Variants in ARHGEF28 observed in about 807,000 individuals in gnomAD.
ARHGEF28 encodes the protein 190 kDa guanine nucleotide exchange factor.
ARHGEF28 carries 152 observed loss-of-function variants against 206.6 expected under a neutral mutation model. That is an observed-to-expected ratio of 0.74 (90% CI 0.64 to 0.84). ARHGEF28 has a LOEUF of 0.84. ARHGEF28 is among the 40% of genes least tolerant of loss of function. The pLI, the probability that ARHGEF28 is intolerant of heterozygous loss-of-function variation, is 0.00. For synonymous variants in ARHGEF28, 763 were observed against 776.4 expected, an observed-to-expected ratio of 0.98 and a Z score of 0.29; for missense variants, 2,028 against 2,073.2, an observed-to-expected ratio of 0.98 and a Z score of 0.42.
intron 35 of ARHGEF28, among the ~76,000 whole-genome samples, chr5:73,919,894 T>C (rs386852): frequency 0.12 from 17,517 of 152,258 alleles, 1,110 homozygotes; most frequent in South Asian, 0.21. Context: ...ATTTATGTAA[T>C]GTCTGTCCCA....
chr5:73,852,633 T>C lies in ARHGEF28; in HGVS notation c.1748-17T>C. On this transcript the variant is annotated splice_polypyrimidine_tract_variant and intron_variant, in intron 13 of 35. Coordinates refer to ENST00000513042, the MANE Select transcript of ARHGEF28 (RefSeq NM_001177693.2). ...TTGTGTGCCTTAGTTTTCATTTTAT[T>C]GTTCTGTGTCTTGTAGAGCAAAGAG... 1 of 1,613,066 alleles carries C rather than the reference T, an allele frequency of 6.2e-7. No individual in the cohort carries two copies. The highest frequency in any genetic ancestry group is 8.5e-7 in the Non-Finnish European group (1 of 1,179,250).
At chr5:73,628,075 T>G (rs918349176) in intron 1 of ARHGEF28, among the ~76,000 whole-genome samples, 74 of 152,038 alleles carry the variant, frequency 4.9e-4, no homozygotes, top group South Asian at 4.1e-4. Context: ...GAAGCCTCAC[T>G]TGGGTGGGTT....
At chr5:73,648,819 A>G (rs979768704) in intron 1 of ARHGEF28, among the ~76,000 whole-genome samples, 1 of 151,694 alleles carries the variant, frequency 6.6e-6, no homozygotes, top group Non-Finnish European at 1.5e-5. Flanking sequence ...TTCCCACACC[A>G]CTCATCCTGT....
At chr5:73,810,777 C>T (rs1309054566) in intron 9 of ARHGEF28, among the ~76,000 whole-genome samples, 1 of 152,138 alleles carries the variant, frequency 6.6e-6, no homozygotes, top group Admixed American at 6.5e-5. Flanking sequence ...GAAATTCTGC[C>T]CCCGATTCTG....
intron 23 of ARHGEF28, 43 bp downstream of exon 23, chr5:73,882,637 G>A: frequency 7.1e-7 from 1 of 1,405,522 alleles, no homozygotes; most frequent in East Asian, 2.7e-5. Context: ...AAATCAGCAT[G>A]GAGAAATAGT....
intron 2 of ARHGEF28, among the ~76,000 whole-genome samples, chr5:73,720,428 T>C (rs2112328488): frequency 6.6e-6 from 1 of 152,148 alleles, no homozygotes; most frequent in South Asian, 2.1e-4. Flanking sequence ...TCATCAAAAA[T>C]AGCAGGCAGA....
At chr5:73,692,382 G>A (rs1321647280) in intron 2 of ARHGEF28, among the ~76,000 whole-genome samples, 1 of 152,132 alleles carries the variant, frequency 6.6e-6, no homozygotes, top group African/African-American at 2.4e-5. Flanking sequence ...TTCTCTGGAG[G>A]CTGCAAATTG....
chr5:73,808,698 C>T (rs1755657756), intron 9 of ARHGEF28, among the ~76,000 whole-genome samples: 1 of 152,158 alleles, frequency 6.6e-6, no homozygotes, highest in African/African-American at 2.4e-5. Context: ...GCCTCAGAGG[C>T]CTTGCCTCCT....
At chr5:73,887,581 T>C (rs1277383747) in intron 25 of ARHGEF28, 22 bp from the exon 26 acceptor site, 2 of 1,519,000 alleles carry the variant, frequency 1.3e-6, no homozygotes, top group Non-Finnish European at 1.8e-6. Flanking sequence ...TCATTAATAC[T>C]AGTAATGTTT....
chr5:73,875,562 G>T (rs534084841), intron 22 of ARHGEF28, among the ~76,000 whole-genome samples: 45 of 140,118 alleles, frequency 3.2e-4, no homozygotes, highest in East Asian at 1.0e-3. Context: ...GGTCTAACAT[G>T]TAAGTCTTTA....
intron 1 of ARHGEF28, among the ~76,000 whole-genome samples, chr5:73,661,299 G>A (rs1050211670): frequency 6.6e-6 from 1 of 152,120 alleles, no homozygotes; most frequent in Non-Finnish European, 1.5e-5. Context: ...TTCATACAAT[G>A]GAAGAGTTAG....
chr5:73,684,112 A>G (rs1287983480), intron 1 of ARHGEF28, among the ~76,000 whole-genome samples: 2 of 152,178 alleles, frequency 1.3e-5, no homozygotes, highest in African/African-American at 4.8e-5. Flanking sequence ...TTTTTCAGGT[A>G]CAACTCAGTG....
intron 34 of ARHGEF28, 117 bp from the exon 35 acceptor site, chr5:73,911,158 T>C: frequency 5.6e-6 from 6 of 1,071,694 alleles, no homozygotes; most frequent in Non-Finnish European, 7.9e-6. Flanking sequence ...GAAGTGGTAA[T>C]CTTGACCTCA....
chr5:73,650,126 A>G (rs1485082592), intron 1 of ARHGEF28, among the ~76,000 whole-genome samples: 1 of 152,172 alleles, frequency 6.6e-6, no homozygotes, highest in Non-Finnish European at 1.5e-5. Context: ...CATGCTGCTT[A>G]GGACAGTACT....
At chr5:73,696,388 G>A (rs1036014924) in intron 2 of ARHGEF28, among the ~76,000 whole-genome samples, 3 of 152,082 alleles carry the variant, frequency 2.0e-5, no homozygotes, top group Non-Finnish European at 2.9e-5. Context: ...TTGTATGTGC[G>A]GTTGTCTTCA....
Position 73,887,635 on chromosome 5 carries a change from C to T in ARHGEF28, c.3343C>T (p.Leu1115Phe), listed in dbSNP as rs1761384482. Residue 1115 changes from leucine to phenylalanine, a missense_variant, in exon 26 of 36, where the codon CTC (leucine) becomes TTC (phenylalanine). Physicochemically the swap from Leu to Phe is conservative, Grantham distance 22. This residue lies in a region of ARHGEF28 where 803 missense variants were observed against 768.0 expected (regional missense o/e 1.05). Transcript: ENST00000513042. ...AGCTCTACTTCTAACTGATGTGCTGCTCTTTTTACAAGAAAAAGACCAGAA... is the reference window on the plus strand; with the variant it reads ...AGCTCTACTTCTAACTGATGTGCTGTTCTTTTTACAAGAAAAAGACCAGAA... The part of the protein sequence containing the change: ...ILALLLTDVL[L>F]FLQEKDQKYI... The T allele has an allele frequency of 1.3e-6, 2 of 1,573,560 alleles. No homozygotes were observed. Among genetic ancestry groups the T allele is most frequent in the Non-Finnish European group, 1.7e-6 (2 of 1,157,864 alleles).
chr5:73,801,536 T>C (rs78425849), intron 9 of ARHGEF28, among the ~76,000 whole-genome samples: 8,644 of 152,268 alleles, frequency 0.057, 346 homozygotes, highest in African/African-American at 0.11. Context: ...GAGTGGAAGC[T>C]GACCCTCTTG....
At chr5:73,865,879 ATTCTG>A (rs1274399659) in intron 17 of ARHGEF28, 81 bp from the exon 18 acceptor site, 3 of 998,774 alleles carry the variant, frequency 3.0e-6, no homozygotes, top group African/African-American at 3.3e-5. Flanking sequence ...ATAGATAAGA[ATTCTG>A]TTCTGTGTAA....
chr5:73,789,466 G>A (rs1754337380), intron 7 of ARHGEF28, among the ~76,000 whole-genome samples: 1 of 152,030 alleles, frequency 6.6e-6, no homozygotes. Context: ...TCATTGGAGT[G>A]ATGAAAATAT....
Sources: allele counts gnomAD v4.1 joint callset (sites outside exome capture counted in the v4.1 genomes callset), GRCh38; gene constraint gnomAD v4.1.1; regional missense constraint gnomAD v4.1.1; transcripts MANE v1.5; gene names NCBI Gene and HGNC (gene_info 2026-07-23, HGNC 2026-07-21).